Variants in SFMBT2 observed in about 807,000 individuals in gnomAD.
SFMBT2 encodes the protein scm-like with four MBT domains protein 2.
A neutral mutation model predicts 110.1 loss-of-function variants in SFMBT2; 38 were observed. That is an observed-to-expected ratio of 0.35 (90% CI 0.27 to 0.45). SFMBT2 has a LOEUF of 0.45. SFMBT2 is among the 20% of genes least tolerant of loss of function. SFMBT2 has a pLI of 1.00. For synonymous variants in SFMBT2, 425 were observed against 425.4 expected, an observed-to-expected ratio of 1.00 and a Z score of 0.01; for missense variants, 1,011 against 1,094.9, an observed-to-expected ratio of 0.92 and a Z score of 1.08.
chr10:7,342,594 A>G (rs529133957), intron 4 of SFMBT2, among the ~76,000 whole-genome samples: 2 of 151,862 alleles, frequency 1.3e-5, no homozygotes, highest in Non-Finnish European at 2.9e-5. Context: ...AATTTTTAAT[A>G]GAGACAGGGT....
intron 4 of SFMBT2, among the ~76,000 whole-genome samples, chr10:7,298,101 A>C (rs184327833): frequency 1.3e-5 from 2 of 152,300 alleles, no homozygotes; most frequent in East Asian, 3.9e-4. Flanking sequence ...CTTGTCCTTC[A>C]CCAATGAGTG....
intron 15 of SFMBT2, among the ~76,000 whole-genome samples, chr10:7,193,844 C>T (rs1838684290): frequency 6.6e-6 from 1 of 152,220 alleles, no homozygotes; most frequent in African/African-American, 2.4e-5. Flanking sequence ...CGACAAGACC[C>T]TTTTGGTCAT....
intron 16 of SFMBT2, among the ~76,000 whole-genome samples, chr10:7,182,230 G>C (rs1010018275): frequency 1.3e-5 from 2 of 152,134 alleles, no homozygotes; most frequent in Non-Finnish European, 2.9e-5. Context: ...TAGAGATGGT[G>C]TTTCACCATG....
At chr10:7,312,995 A>T (rs1340806482) in intron 4 of SFMBT2, among the ~76,000 whole-genome samples, 2 of 152,148 alleles carry the variant, frequency 1.3e-5, no homozygotes, top group Non-Finnish European at 2.9e-5. Context: ...CGGGAGAAAT[A>T]AACTAAATAA....
At chr10:7,378,102 TATGG>T (rs1321863860) in intron 2 of SFMBT2, among the ~76,000 whole-genome samples, 1 of 145,972 alleles carries the variant, frequency 6.9e-6, no homozygotes, top group Non-Finnish European at 1.5e-5. Flanking sequence ...TGTGTGAGTG[TATGG>T]ATGGGTGGAT....
chr10:7,185,184 G>C (rs1303820614), intron 16 of SFMBT2, among the ~76,000 whole-genome samples: 1 of 152,228 alleles, frequency 6.6e-6, no homozygotes, highest in Non-Finnish European at 1.5e-5. Context: ...CCGTGATCCA[G>C]TGAATTTAGG....
chr10:7,361,088 T>G (rs1409848855), intron 4 of SFMBT2, among the ~76,000 whole-genome samples: 1 of 152,222 alleles, frequency 6.6e-6, no homozygotes, highest in African/African-American at 2.4e-5. Context: ...GCTCTCTTAT[T>G]ACTAAGCTAT....
At chr10:7,311,393 C>T (rs969764577) in intron 4 of SFMBT2, among the ~76,000 whole-genome samples, 21 of 152,182 alleles carry the variant, frequency 1.4e-4, no homozygotes, top group African/African-American at 3.9e-4. Context: ...CCATTGACGG[C>T]GACTCGGTAT....
At chr10:7,309,981 G>C (rs1842804492) in intron 4 of SFMBT2, among the ~76,000 whole-genome samples, 1 of 152,138 alleles carries the variant, frequency 6.6e-6, no homozygotes, top group South Asian at 2.1e-4. Flanking sequence ...CTGTGTTGTA[G>C]GGGACAGCGC....
At chr10:7,335,582 AAC>A (rs3065781) in intron 4 of SFMBT2, among the ~76,000 whole-genome samples, 4,223 of 142,922 alleles carry the variant, frequency 0.03, 76 homozygotes, top group Middle Eastern at 0.062. Context: ...CAGAAACAGA[AAC>A]ACACACACAC....
intron 1 of SFMBT2, among the ~76,000 whole-genome samples, chr10:7,401,522 G>T (rs1413158519): frequency 1.3e-5 from 2 of 152,150 alleles, no homozygotes; most frequent in Admixed American, 1.3e-4. Flanking sequence ...TTAACTTAGG[G>T]AATTAAAACC....
intron 20 of SFMBT2, among the ~76,000 whole-genome samples, chr10:7,165,806 A>G (rs1837679829): frequency 6.6e-6 from 1 of 152,214 alleles, no homozygotes; most frequent in South Asian, 2.1e-4. Flanking sequence ...GTGCTCATAC[A>G]TGTTATTTTA....
chr10:7,392,353 A>G (rs1469223870), intron 1 of SFMBT2, among the ~76,000 whole-genome samples: 1 of 152,170 alleles, frequency 6.6e-6, no homozygotes, highest in South Asian at 2.1e-4. Context: ...AGTCTCTACT[A>G]AAAATGCAAA....
In SFMBT2 at chr10:7,350,106, G is replaced by A. The variant is rs545672028; in HGVS notation, c.436+17543C>T. Among the ~76,000 whole-genome samples the A allele has an allele frequency of 7.2e-5, 11 of 152,018 alleles. 1 individual carries two copies. In the South Asian group the frequency reaches 2.3e-3, roughly 32 times the overall value. Reference sequence around the variant, plus strand: ...CCACAGCCTTCTTCCCATCGTGTTCGTGGCTAGGTCATGGTGGCAAAGTCA... The same window carrying A: ...CCACAGCCTTCTTCCCATCGTGTTCATGGCTAGGTCATGGTGGCAAAGTCA... On this transcript the variant is annotated intron_variant, in intron 4 of 20. Coordinates refer to ENST00000397167, the MANE Select transcript of SFMBT2 (RefSeq NM_001387889.1).
chr10:7,298,723 GTGTGTA>G (rs1379946103), intron 4 of SFMBT2, among the ~76,000 whole-genome samples: 15 of 152,082 alleles, frequency 9.9e-5, no homozygotes, highest in African/African-American at 3.4e-4. Flanking sequence ...GCGTATGTAT[GTGTGTA>G]TGTATGTATG....
In SFMBT2 at chr10:7,376,854, C is replaced by CAAA. The variant is rs112996489; in HGVS notation, c.100+4942_100+4944dup. On this transcript the variant is annotated intron_variant, in intron 2 of 20. Coordinates refer to ENST00000397167, the MANE Select transcript of SFMBT2 (RefSeq NM_001387889.1). ...CATAGCATCTCGGGGTGGACAGTGG[C>CAAA]AAAAAAAAAAAAAACAAACATAAGA... Among the ~76,000 whole-genome samples, 1,195 of 123,432 alleles carry CAAA rather than the reference C, an allele frequency of 9.7e-3. 47 individuals carry two copies. The highest frequency in any genetic ancestry group is 0.022 in the African/African-American group (702 of 32,016). The allele number at this position is 123,432 out of a possible 152,430, so 81.0% of individuals were successfully genotyped here.
chr10:7,380,692 T>G (rs1845394808), intron 2 of SFMBT2, among the ~76,000 whole-genome samples: 1 of 152,178 alleles, frequency 6.6e-6, no homozygotes, highest in Non-Finnish European at 1.5e-5. Flanking sequence ...ATAAACCCTT[T>G]ATTGTGTAAG....
intron 7 of SFMBT2, among the ~76,000 whole-genome samples, chr10:7,256,084 T>C (rs1231922576): frequency 6.6e-6 from 1 of 152,194 alleles, no homozygotes; most frequent in Non-Finnish European, 1.5e-5. Context: ...CATTTTCTGC[T>C]GACACAGACT....
chr10:7,389,155 A>T (rs969753248), intron 1 of SFMBT2, among the ~76,000 whole-genome samples: 3 of 152,222 alleles, frequency 2.0e-5, no homozygotes, highest in African/African-American at 7.2e-5. Context: ...GTGGAAACAG[A>T]TAATTCTTGG....
Sources: gnomAD v4.1 joint callset for allele counts (sites outside exome capture counted in the v4.1 genomes callset) on GRCh38, gnomAD v4.1.1 for gene constraint, MANE v1.5 for transcripts, NCBI Gene and HGNC (gene_info 2026-07-23, HGNC 2026-07-21) for gene names.